The following ZFHX3 variants were observed in gnomAD, a reference collection of about 807,000 sequenced individuals.
The protein encoded by ZFHX3 is zinc finger homeobox protein 3.
A neutral mutation model predicts 279.1 loss-of-function variants in ZFHX3; 42 were observed. The observed-to-expected ratio is 0.15, with a 90% CI of 0.12 to 0.19. The LOEUF is 0.19. Ranked by LOEUF, ZFHX3 falls within the 10% of genes least tolerant of loss-of-function variation. The probability of loss-of-function intolerance (pLI) is 1.00; values close to 1 mark genes in which losing one functional copy is unlikely to be tolerated. For missense variants in ZFHX3, 4,981 were observed against 4,754.0 expected (o/e 1.05, Z -1.40); for synonymous variants, 2,293 against 1,957.8 (o/e 1.17, Z -4.52).
chr16:73,497,140 T>C (rs1357841578), intron 2 of ZFHX3, among the ~76,000 whole-genome samples: 1 of 152,222 alleles, frequency 6.6e-6, no homozygotes, highest in East Asian at 1.9e-4. Context: ...GTTTTATATA[T>C]AGGTTCTGCC....
intron 1 of ZFHX3, among the ~76,000 whole-genome samples, chr16:73,867,889 G>C (rs1313412045): frequency 6.6e-6 from 1 of 152,178 alleles, no homozygotes; most frequent in Middle Eastern, 3.2e-3. Context: ...CCTCTCAAAG[G>C]ACTTTGCATC....
At chr16:73,360,544 G>A (rs560742794) in intron 3 of ZFHX3, among the ~76,000 whole-genome samples, 1 of 152,164 alleles carries the variant, frequency 6.6e-6, no homozygotes, top group African/African-American at 2.4e-5. Context: ...TCGCCATGTT[G>A]GCCAGGCTGA....
chr16:73,240,670 A>G (rs994464831), intron 5 of ZFHX3, among the ~76,000 whole-genome samples: 1 of 152,184 alleles, frequency 6.6e-6, no homozygotes, highest in Admixed American at 6.5e-5. Context: ...ACATTGGGCG[A>G]CTTGATGTTT....
intron 3 of ZFHX3, among the ~76,000 whole-genome samples, chr16:72,944,859 A>G (rs1047296793): frequency 3.9e-5 from 6 of 152,242 alleles, no homozygotes; most frequent in Non-Finnish European, 7.3e-5. Context: ...AGAGAGAAAA[A>G]AAACACTAAA....
At chr16:73,555,759 G>A (rs572714663) in intron 2 of ZFHX3, among the ~76,000 whole-genome samples, 154 of 151,842 alleles carry the variant, frequency 1.0e-3, no homozygotes, top group Non-Finnish European at 1.8e-3. Context: ...TGGAACTCAG[G>A]AGGCGGAGGT....
intron 2 of ZFHX3, chr16:73,679,365 T>C (rs192614842): frequency 1.9e-4 from 29 of 152,296 alleles, no homozygotes; most frequent in African/African-American, 6.7e-4. Flanking sequence ...GTGAGAAAGA[T>C]GTTTTTGCTA....
chr16:73,271,149 A>AG (rs1278941173), intron 4 of ZFHX3, among the ~76,000 whole-genome samples: 1 of 152,150 alleles, frequency 6.6e-6, no homozygotes, highest in Non-Finnish European at 1.5e-5. Flanking sequence ...AATATGCCCC[A>AG]GGGTTGAGCC....
intron 4 of ZFHX3, among the ~76,000 whole-genome samples, chr16:72,840,558 C>T (rs2037320848): frequency 6.6e-6 from 1 of 152,164 alleles, no homozygotes; most frequent in African/African-American, 2.4e-5. Context: ...ACCATCGAAA[C>T]AAATGGCACA....
Position 72,798,311 on chromosome 16 carries a change from C to A in ZFHX3, c.4371G>T (p.Glu1457Asp). 1 of 1,614,208 alleles carries A rather than the reference C, an allele frequency of 6.2e-7. No individual in the cohort carries two copies. The highest frequency in any genetic ancestry group is 8.5e-7 in the Non-Finnish European group (1 of 1,180,036). The part of the protein sequence containing the change: ...HLETSHLELS[E>D]ADIQQLYGGL... Reference sequence around the variant, plus strand: ...CACCATAAAGCTGTTGGATGTCAGCCTCACTCAGCTCCAGGTGGCTTGTCT... The same window carrying A: ...CACCATAAAGCTGTTGGATGTCAGCATCACTCAGCTCCAGGTGGCTTGTCT... Residue 1457 changes from glutamate (E) to aspartate (D), a missense_variant, in exon 9 of 10, where the codon GAG (glutamate) becomes GAT (aspartate). Around this residue, in one of 7 missense-constraint regions of ZFHX3, gnomAD observed 1,751 missense variants for 1,770.0 expected, o/e 0.99. Coordinates refer to ENST00000268489, the MANE Select transcript of ZFHX3 (RefSeq NM_006885.4).
At chr16:73,420,959 GC>G (rs2017706846) in intron 3 of ZFHX3, 1 of 152,198 alleles carries the variant, frequency 6.6e-6, no homozygotes, top group Non-Finnish European at 1.5e-5. Flanking sequence ...TTTTGGTCAT[GC>G]CCATTCTCCT....
chr16:73,822,132 G>A (rs179183), intron 1 of ZFHX3, among the ~76,000 whole-genome samples: 2,390 of 152,226 alleles, frequency 0.016, 77 homozygotes, highest in African/African-American at 0.053. Context: ...CACCAGAATC[G>A]TCAAGCTGGA....
At chr16:73,670,839 C>T (rs969383895) in intron 2 of ZFHX3, among the ~76,000 whole-genome samples, 1 of 152,128 alleles carries the variant, frequency 6.6e-6, no homozygotes, top group African/African-American at 2.4e-5. Context: ...TAAAGAGTAG[C>T]ATCCAGCCAG....
At chr16:73,536,836 T>G (rs1304467318) in intron 2 of ZFHX3, among the ~76,000 whole-genome samples, 2 of 152,124 alleles carry the variant, frequency 1.3e-5, no homozygotes, top group African/African-American at 4.8e-5. Flanking sequence ...GTTATTAAAA[T>G]GAGAGCAATA....
chr16:73,241,811 A>AC (rs1212732364), intron 5 of ZFHX3, among the ~76,000 whole-genome samples: 65 of 151,002 alleles, frequency 4.3e-4, no homozygotes, highest in African/African-American at 1.5e-3. Context: ...AAAAAAAAAA[A>AC]AAAAGGAGTG....
intron 7 of ZFHX3, among the ~76,000 whole-genome samples, chr16:73,122,981 C>T (rs553814828): frequency 6.6e-6 from 1 of 152,216 alleles, no homozygotes; most frequent in African/African-American, 2.4e-5. Flanking sequence ...TCCACTCCCT[C>T]ATGCTACGTT....
At chr16:73,726,209 G>A (rs1047400429) in intron 1 of ZFHX3, among the ~76,000 whole-genome samples, 1 of 152,214 alleles carries the variant, frequency 6.6e-6, no homozygotes, top group Admixed American at 6.5e-5. Flanking sequence ...TCACATAAGT[G>A]TGTAGTTCCT....
intron 5 of ZFHX3, among the ~76,000 whole-genome samples, chr16:73,160,608 C>T (rs182347551): frequency 6.6e-6 from 1 of 152,112 alleles, no homozygotes; most frequent in East Asian, 1.9e-4. Context: ...GCATTTCCCT[C>T]ATTACTGCCA....
chr16:72,983,771 C>G (rs914225199), intron 1 of ZFHX3, among the ~76,000 whole-genome samples: 2 of 152,078 alleles, frequency 1.3e-5, no homozygotes, highest in South Asian at 4.2e-4. Flanking sequence ...AACTCTCCAA[C>G]CACATGTCAA....
At chr16:73,485,965 G>T (rs566042992) in intron 2 of ZFHX3, among the ~76,000 whole-genome samples, 59 of 152,296 alleles carry the variant, frequency 3.9e-4, no homozygotes, top group African/African-American at 1.4e-3. Context: ...GGAGAGCAGG[G>T]ACCACCTCTC....
Sources: gnomAD v4.1 joint callset for allele counts (sites outside exome capture counted in the v4.1 genomes callset) on GRCh38, gnomAD v4.1.1 for gene constraint, gnomAD v4.1.1 regional missense constraint, MANE v1.5 for transcripts, NCBI Gene and HGNC (gene_info 2026-07-23, HGNC 2026-07-21) for gene names.